Variants in PRKCE observed in about 807,000 individuals in gnomAD.
PRKCE encodes protein kinase C epsilon type.
A neutral mutation model predicts 85.4 loss-of-function variants in PRKCE; 16 were observed. The ratio of observed to expected loss-of-function variants is 0.19; its 90% CI spans 0.13 to 0.28. The LOEUF is 0.28. Ranked by LOEUF, PRKCE falls within the 10% of genes least tolerant of loss-of-function variation. The probability of loss-of-function intolerance (pLI) is 1.00; values close to 1 mark genes in which losing one functional copy is unlikely to be tolerated. For synonymous variants in PRKCE, 388 were observed against 371.5 expected (o/e 1.04, Z -0.51); for missense variants, 573 against 975.2 (o/e 0.59, Z 5.49).
chr2:46,093,772 G>A (rs972492849), intron 11 of PRKCE, among the ~76,000 whole-genome samples: 1 of 151,786 alleles, frequency 6.6e-6, no homozygotes, highest in Non-Finnish European at 1.5e-5. Context: ...TTTTAGTTCC[G>A]TTTCTCACCC....
At chr2:45,890,065 G>A (rs1695606316) in intron 2 of PRKCE, among the ~76,000 whole-genome samples, 1 of 152,186 alleles carries the variant, frequency 6.6e-6, no homozygotes, top group African/African-American at 2.4e-5. Flanking sequence ...GTCTGTTCCA[G>A]AGCAATTACT....
chr2:46,049,169 G>A (rs948721529), intron 10 of PRKCE, among the ~76,000 whole-genome samples: 10 of 152,030 alleles, frequency 6.6e-5, no homozygotes, highest in Admixed American at 3.9e-4. Context: ...AAGATTGTCC[G>A]GGCCCATTTT....
At chr2:45,784,169 A>G (rs1412320215) in intron 1 of PRKCE, among the ~76,000 whole-genome samples, 2 of 152,278 alleles carry the variant, frequency 1.3e-5, no homozygotes, top group Non-Finnish European at 1.5e-5. Context: ...CCAAGTGCAA[A>G]TGTGCAGTGT....
Position 45,989,163 on chromosome 2 carries a change from C to T in PRKCE, c.823+4483C>T, listed in dbSNP as rs532941902. ...AAGCGGAAGCCCTGCTTTTTCTCAT[C>T]CCCATCTGGGGTGAATGCTCTGCAC... On this transcript the variant is annotated intron_variant, in intron 6 of 14. Coordinates refer to ENST00000306156, the MANE Select transcript of PRKCE (RefSeq NM_005400.3). Among the ~76,000 whole-genome samples the T allele has an allele frequency of 2.0e-5, 3 of 152,328 alleles. No homozygotes were observed. The East Asian group carries it at 5.8e-4, about 29-fold the overall frequency.
intron 10 of PRKCE, among the ~76,000 whole-genome samples, chr2:46,039,963 C>A (rs1231719742): frequency 6.6e-6 from 1 of 152,214 alleles, no homozygotes; most frequent in African/African-American, 2.4e-5. Flanking sequence ...GGCTGCCATG[C>A]TTGCAAGCCT....
At chr2:45,796,147 C>G (rs150538412) in intron 1 of PRKCE, among the ~76,000 whole-genome samples, 2 of 152,262 alleles carry the variant, frequency 1.3e-5, no homozygotes, top group Non-Finnish European at 2.9e-5. Context: ...TCTTTGATGT[C>G]TTCTCCAGGT....
intron 11 of PRKCE, among the ~76,000 whole-genome samples, chr2:46,108,310 TTTA>T (rs760733432): frequency 6.3e-4 from 96 of 152,376 alleles, no homozygotes; most frequent in African/African-American, 2.2e-3. Flanking sequence ...GGCTTGACTT[TTTA>T]TTATGTTAAT....
At chr2:46,067,761 G>C (rs1667744252) in intron 10 of PRKCE, among the ~76,000 whole-genome samples, 1 of 152,194 alleles carries the variant, frequency 6.6e-6, no homozygotes, top group South Asian at 2.1e-4. Flanking sequence ...CTACAGTGGA[G>C]GGCTTGCCCA....
At chr2:45,739,431 G>T (rs1161183199) in intron 1 of PRKCE, among the ~76,000 whole-genome samples, 1 of 152,074 alleles carries the variant, frequency 6.6e-6, no homozygotes, top group Non-Finnish European at 1.5e-5. Context: ...GTATATTTGG[G>T]GTTTCAACTT....
At chr2:46,019,259 T>C (rs1706432671) in intron 10 of PRKCE, among the ~76,000 whole-genome samples, 1 of 152,236 alleles carries the variant, frequency 6.6e-6, no homozygotes, top group Non-Finnish European at 1.5e-5. Flanking sequence ...TGAGTTTTTT[T>C]TCAGGGACTT....
intron 1 of PRKCE, among the ~76,000 whole-genome samples, chr2:45,714,832 G>T (rs185697224): frequency 2.0e-5 from 3 of 152,272 alleles, no homozygotes; most frequent in Admixed American, 2.0e-4. Context: ...TGTATCCCTC[G>T]GAACCAAGGT....
At chr2:46,093,350 A>G (rs1439976695) in intron 11 of PRKCE, among the ~76,000 whole-genome samples, 1 of 152,112 alleles carries the variant, frequency 6.6e-6, no homozygotes, top group Non-Finnish European at 1.5e-5. Context: ...TCAGTCAAAG[A>G]TATACATACA....
intron 1 of PRKCE, among the ~76,000 whole-genome samples, chr2:45,822,085 C>G (rs760785163): frequency 2.0e-5 from 3 of 152,102 alleles, no homozygotes; most frequent in Non-Finnish European, 2.9e-5. Context: ...TGGCACCTGT[C>G]CAGGGTACTC....
intron 13 of PRKCE, among the ~76,000 whole-genome samples, chr2:46,156,546 C>T (rs931424951): frequency 3.9e-5 from 6 of 152,172 alleles, no homozygotes; most frequent in East Asian, 1.9e-4. Context: ...GGATTTTCAC[C>T]GATGAGTACA....
intron 1 of PRKCE, among the ~76,000 whole-genome samples, chr2:45,727,342 G>C (rs1262618190): frequency 6.6e-6 from 1 of 152,214 alleles, no homozygotes; most frequent in African/African-American, 2.4e-5. Flanking sequence ...TAGAAGACAA[G>C]CAATGGCGGA....
intron 1 of PRKCE, among the ~76,000 whole-genome samples, chr2:45,779,414 C>T (rs925664614): frequency 1.3e-5 from 2 of 151,886 alleles, no homozygotes; most frequent in African/African-American, 4.8e-5. Flanking sequence ...TGTCCGGGGG[C>T]GAGGAAAGAC....
rs34888247 is a variant in PRKCE at position 45,653,370 on chromosome 2, GTTTTTTTTT to G, written c.348+939_348+947del. On this transcript the variant is annotated intron_variant, in intron 1 of 14. Coordinates refer to ENST00000306156, the MANE Select transcript of PRKCE (RefSeq NM_005400.3). Reference sequence around the variant, plus strand: ...TGCTTTTTGTGTTTGTTTTTGGGTTGTTTTTTTTTTTTTTTTTTTTTTTTTCTCTCTTCT... The same window carrying G: ...TGCTTTTTGTGTTTGTTTTTGGGTTGTTTTTTTTTTTTTTTTCTCTCTTCT... Among the ~76,000 whole-genome samples the G allele has an allele frequency of 4.5e-3, 278 of 61,504 alleles. 4 individuals carry two copies. The highest frequency in any genetic ancestry group is 0.021 in the Middle Eastern group (1 of 48). The allele number at this position is 61,504 out of a possible 152,430, so 40.3% of individuals were successfully genotyped here.
intron 1 of PRKCE, among the ~76,000 whole-genome samples, chr2:45,761,597 T>G (rs1431002626): frequency 1.3e-4 from 20 of 152,094 alleles, no homozygotes; most frequent in Admixed American, 1.3e-3. Flanking sequence ...TTGGCCTCAC[T>G]TTTGGGTCTA....
chr2:45,835,731 T>C (rs1334635811), intron 1 of PRKCE, among the ~76,000 whole-genome samples: 2 of 151,940 alleles, frequency 1.3e-5, no homozygotes, highest in Admixed American at 6.6e-5. Flanking sequence ...CCTGGGACTG[T>C]AGGCATGCAC....
Sources: allele counts gnomAD v4.1 joint callset (sites outside exome capture counted in the v4.1 genomes callset), GRCh38; gene constraint gnomAD v4.1.1; transcripts MANE v1.5; gene names NCBI Gene and HGNC (gene_info 2026-07-23, HGNC 2026-07-21).